Variants in MCC observed in about 807,000 individuals in gnomAD.
MCC encodes MCC regulator of Wnt signaling pathway.
MCC carries 90 observed loss-of-function variants against 116.2 expected under a neutral mutation model. That is an observed-to-expected ratio of 0.77 (90% CI 0.65 to 0.92). MCC has a LOEUF of 0.92. Ranked by LOEUF, MCC falls within the 40% of genes least tolerant of loss-of-function variation. MCC has a pLI of 0.00. For missense variants in MCC, 1,516 were observed against 1,312.2 expected, an observed-to-expected ratio of 1.16 and a Z score of -2.40; for synonymous variants, 578 against 510.5, an observed-to-expected ratio of 1.13 and a Z score of -1.78.
chr5:113,432,320 C>CAAAAAAAAAAAAAAAAA (rs66577040), intron 1 of MCC, among the ~76,000 whole-genome samples: 26 of 68,550 alleles, frequency 3.8e-4, no homozygotes, highest in Middle Eastern at 0.011. Context: ...GACTCTGTCT[C>CAAAAAAAAAAAAAAAAA]AAAAAAAAAA....
At chr5:113,433,796 C>A (rs764088372) in intron 1 of MCC, 1 of 1,613,922 alleles carries the variant, frequency 6.2e-7, no homozygotes, top group Non-Finnish European at 8.5e-7. Flanking sequence ...CCATAGTCGA[C>A]GGCTTGCTGG....
chr5:113,209,104 G>A (rs1330539586), intron 3 of MCC, among the ~76,000 whole-genome samples: 1 of 152,174 alleles, frequency 6.6e-6, no homozygotes, highest in Non-Finnish European at 1.5e-5. Context: ...GAAGCTGTAT[G>A]TCCAACAGAG....
chr5:113,461,084 T>G (rs1275390850), intron 1 of MCC, among the ~76,000 whole-genome samples: 1 of 152,080 alleles, frequency 6.6e-6, no homozygotes, highest in Non-Finnish European at 1.5e-5. Context: ...AATAGTGAGA[T>G]CCCATCTCTA....
intron 1 of MCC, among the ~76,000 whole-genome samples, chr5:113,462,361 A>G (rs1166449887): frequency 2.0e-5 from 3 of 152,236 alleles, no homozygotes; most frequent in Admixed American, 2.0e-4. Flanking sequence ...TTCCCAGGGC[A>G]GCATTCAACA....
chr5:113,136,899 T>C (rs906631126), intron 5 of MCC, among the ~76,000 whole-genome samples: 2 of 152,200 alleles, frequency 1.3e-5, no homozygotes, highest in Admixed American at 1.3e-4. Context: ...TTACGTTGGG[T>C]AACAGTGATG....
chr5:113,318,830 A>C (rs1291173701), intron 3 of MCC, among the ~76,000 whole-genome samples: 1 of 152,232 alleles, frequency 6.6e-6, no homozygotes, highest in Non-Finnish European at 1.5e-5. Context: ...AACTTAAAAT[A>C]AAAGTTAAAA....
At chr5:113,287,981 C>T (rs1396190956) in intron 3 of MCC, among the ~76,000 whole-genome samples, 3 of 152,274 alleles carry the variant, frequency 2.0e-5, no homozygotes, top group Non-Finnish European at 4.4e-5. Context: ...GATCACCTAC[C>T]TGGTCTTTGA....
chr5:113,196,381 T>G (rs1379383330), intron 3 of MCC, among the ~76,000 whole-genome samples: 1 of 152,172 alleles, frequency 6.6e-6, no homozygotes, highest in Non-Finnish European at 1.5e-5. Context: ...CATAGCAACC[T>G]GGAGAGGTCA....
chr5:113,156,026 A>G (rs1414926531), intron 3 of MCC, among the ~76,000 whole-genome samples: 1 of 152,102 alleles, frequency 6.6e-6, no homozygotes, highest in African/African-American at 2.4e-5. Flanking sequence ...TTGGTATCTT[A>G]TGTGATGGAT....
intron 17 of MCC, among the ~76,000 whole-genome samples, chr5:113,039,156 G>A (rs78223105): frequency 0.013 from 2,030 of 152,302 alleles, 42 homozygotes; most frequent in African/African-American, 0.046. Flanking sequence ...GAGGAGCAGC[G>A]CACCTACTTC....
intron 1 of MCC, among the ~76,000 whole-genome samples, chr5:113,402,940 A>C (rs1175426025): frequency 6.6e-6 from 1 of 152,120 alleles, no homozygotes; most frequent in Non-Finnish European, 1.5e-5. Context: ...ATTTGTTTAA[A>C]AATTTATTGT....
intron 3 of MCC, among the ~76,000 whole-genome samples, chr5:113,244,334 C>T (rs780102761): frequency 1.3e-5 from 2 of 152,170 alleles, no homozygotes; most frequent in African/African-American, 2.4e-5. Context: ...AGGTTTACAA[C>T]TTAAAGCCTA....
At chr5:113,028,202 C>CT (rs1750701218) in intron 18 of MCC, among the ~76,000 whole-genome samples, 1 of 152,180 alleles carries the variant, frequency 6.6e-6, no homozygotes, top group Non-Finnish European at 1.5e-5. Flanking sequence ...TTATTTCCAA[C>CT]TATAGAGCTG....
intron 3 of MCC, among the ~76,000 whole-genome samples, chr5:113,173,454 G>C (rs1447146051): frequency 1.3e-5 from 2 of 151,964 alleles, no homozygotes; most frequent in Admixed American, 6.6e-5. Flanking sequence ...CTCCCCCTTT[G>C]TTTTATTAAA....
At chr5:113,481,056 C>G (rs960953631) in intron 1 of MCC, among the ~76,000 whole-genome samples, 1 of 152,216 alleles carries the variant, frequency 6.6e-6, no homozygotes, top group East Asian at 1.9e-4. Context: ...GGATTACAGG[C>G]GTGAGCCATT....
At chr5:113,254,142 G>A (rs1042356937) in intron 3 of MCC, among the ~76,000 whole-genome samples, 1 of 152,184 alleles carries the variant, frequency 6.6e-6, no homozygotes, top group Non-Finnish European at 1.5e-5. Flanking sequence ...AGGGTCAGTA[G>A]CATTGATTGG....
At chr5:113,174,878 T>C (rs1761252014) in intron 3 of MCC, among the ~76,000 whole-genome samples, 1 of 152,126 alleles carries the variant, frequency 6.6e-6, no homozygotes, top group Non-Finnish European at 1.5e-5. Flanking sequence ...AGTGAGCCAA[T>C]ATGCCCAGAT....
intron 18 of MCC, 60 bp downstream of exon 18, chr5:113,028,874 G>A (rs1750758855): frequency 1.3e-6 from 2 of 1,580,830 alleles, no homozygotes; most frequent in African/African-American, 1.3e-5. Context: ...TACATGCAGG[G>A]TGTCAGTCCA....
intron 2 of MCC, among the ~76,000 whole-genome samples, chr5:113,369,817 C>T (rs946184272): frequency 2.6e-5 from 4 of 152,248 alleles, no homozygotes; most frequent in Non-Finnish European, 5.9e-5. Flanking sequence ...ATAAGCCCTA[C>T]CTCCCTCTCC....
Sources: allele counts gnomAD v4.1 joint callset (sites outside exome capture counted in the v4.1 genomes callset), GRCh38; gene constraint gnomAD v4.1.1; transcripts MANE v1.5; gene names NCBI Gene and HGNC (gene_info 2026-07-23, HGNC 2026-07-21).